Variants in CCDC85C observed in about 807,000 individuals in gnomAD.
CCDC85C encodes coiled-coil domain containing 85C.
CCDC85C carries 18 observed loss-of-function variants against 38.3 expected under a neutral mutation model. That is an observed-to-expected ratio of 0.47 (90% confidence interval 0.33 to 0.70). The LOEUF is 0.70. CCDC85C is among the 30% of genes least tolerant of loss of function. CCDC85C has a pLI of 0.03. For missense variants in CCDC85C, 566 were observed against 621.2 expected, an observed-to-expected ratio of 0.91 and a Z score of 0.94; for synonymous variants, 264 against 293.8, an observed-to-expected ratio of 0.90 and a Z score of 1.04.
chr14:99,583,502 CAAAAAAAA>C (rs35333670), intron 1 of CCDC85C, among the ~76,000 whole-genome samples: 2 of 85,396 alleles, frequency 2.3e-5, no homozygotes, highest in South Asian at 4.1e-4. Flanking sequence ...AACTCCTTCT[CAAAAAAAA>C]AAAAAAAAAA....
chr14:99,566,183 C>G (rs979426243), intron 1 of CCDC85C, among the ~76,000 whole-genome samples: 4 of 152,358 alleles, frequency 2.6e-5, no homozygotes, highest in South Asian at 4.1e-4. Flanking sequence ...ACTGGTCTTT[C>G]CTGACCACCC....
At chr14:99,565,761 T>C (rs1898203933) in intron 1 of CCDC85C, among the ~76,000 whole-genome samples, 1 of 152,082 alleles carries the variant, frequency 6.6e-6, no homozygotes, top group African/African-American at 2.4e-5. Context: ...GAAGAGTCTA[T>C]AGTGGACACC....
At chr14:99,547,056 A>C (rs1897821559) in intron 1 of CCDC85C, among the ~76,000 whole-genome samples, 1 of 151,948 alleles carries the variant, frequency 6.6e-6, no homozygotes, top group Non-Finnish European at 1.5e-5. Context: ...CCATGGTGGT[A>C]CATGCTTGTA....
chr14:99,531,379 C>A lies in CCDC85C; in HGVS notation c.867+4636G>T, dbSNP rs761683394. ...AATTACAGCCGCCCCCAGCCCAGCC[C>A]GGCTGGGCACAGAGAATCCACAGGA... On this transcript the variant is annotated intron_variant, in intron 2 of 5. Coordinates refer to ENST00000380243, the MANE Select transcript of CCDC85C (RefSeq NM_001144995.2). Among the ~76,000 whole-genome samples the A allele has an allele frequency of 5.3e-4, 81 of 152,166 alleles. No homozygotes were observed. In the Middle Eastern group the frequency reaches 0.014, roughly 26 times the overall value.
chr14:99,529,631 T>C (rs1212538081), intron 2 of CCDC85C, among the ~76,000 whole-genome samples: 1 of 152,248 alleles, frequency 6.6e-6, no homozygotes, highest in Non-Finnish European at 1.5e-5. Context: ...CTTGAACTTC[T>C]GATCTCAGGT....
Position 99,520,406 on chromosome 14 carries a change from AC to A in CCDC85C, c.975+1726del. Among the ~76,000 whole-genome samples the A allele has an allele frequency of 7.0e-6, 1 of 142,550 alleles. No homozygotes were observed. Among genetic ancestry groups the A allele is most frequent in the Non-Finnish European group, 1.5e-5 (1 of 64,884 alleles). 93.5% of individuals were successfully genotyped at this position (142,550 alleles called of 152,430 possible). ...GAGATACCTTGACCCCTCAACCCCC[AC>A]TCCTGGGGGCCTGCCCGCCGACCAG... is the stretch of plus-strand genomic sequence containing the variant. On this transcript the variant is annotated intron_variant, in intron 3 of 5. Coordinates refer to ENST00000380243, the MANE Select transcript of CCDC85C (RefSeq NM_001144995.2). The surrounding 1 kb of genome is among the most constrained non-coding windows in gnomAD (Gnocchi z 4.1).
At chr14:99,589,834 G>A (rs1056660949) in intron 1 of CCDC85C, among the ~76,000 whole-genome samples, 4 of 152,154 alleles carry the variant, frequency 2.6e-5, no homozygotes, top group East Asian at 1.9e-4. Context: ...GGAGAATCCC[G>A]CCACTGCCTA....
At chr14:99,589,352 C>T (rs1298207325) in intron 1 of CCDC85C, among the ~76,000 whole-genome samples, 1 of 152,212 alleles carries the variant, frequency 6.6e-6, no homozygotes, top group African/African-American at 2.4e-5. Flanking sequence ...TTTTACTCGA[C>T]TCTATGCCTT....
chr14:99,578,808 G>A (rs2054932700), intron 1 of CCDC85C, among the ~76,000 whole-genome samples: 1 of 152,202 alleles, frequency 6.6e-6, no homozygotes, highest in African/African-American at 2.4e-5. Context: ...GACCGGAGCT[G>A]GCTTCTCTAA....
chr14:99,589,560 C>T (rs1263792914), intron 1 of CCDC85C, among the ~76,000 whole-genome samples: 1 of 152,190 alleles, frequency 6.6e-6, no homozygotes, highest in Non-Finnish European at 1.5e-5. Flanking sequence ...AGTCATGGAC[C>T]ACTTTGGGCT....
intron 3 of CCDC85C, among the ~76,000 whole-genome samples, chr14:99,518,187 G>C (rs1377373215): frequency 6.6e-6 from 1 of 152,128 alleles, no homozygotes; most frequent in African/African-American, 2.4e-5. Context: ...GCAGGGCTGG[G>C]TTCTGCGACC....
In CCDC85C at chr14:99,506,920, A is replaced by G; in HGVS notation, c.*8326T>C. On this transcript the variant is annotated 3_prime_UTR_variant, in exon 6 of 6. Coordinates refer to ENST00000380243, the MANE Select transcript of CCDC85C (RefSeq NM_001144995.2). ...AATTTGTTAACAGGATTCATGCATA[A>G]TGGTTTAGCTGAAACCTTCTTCAAG... 1 of 643,294 alleles carries G rather than the reference A, an allele frequency of 1.6e-6. No homozygotes were observed. Among genetic ancestry groups the G allele is most frequent in the South Asian group, 1.8e-5 (1 of 56,348 alleles). 39.8% of individuals were successfully genotyped at this position (643,294 alleles called of 1,614,324 possible).
intron 1 of CCDC85C, among the ~76,000 whole-genome samples, chr14:99,560,646 T>C (rs1172036342): frequency 6.6e-6 from 1 of 152,108 alleles, no homozygotes; most frequent in Non-Finnish European, 1.5e-5. Flanking sequence ...GGGTGCAGAG[T>C]GGGCTGTGCT....
At chr14:99,571,031 C>T (rs988891577) in intron 1 of CCDC85C, among the ~76,000 whole-genome samples, 1 of 152,118 alleles carries the variant, frequency 6.6e-6, no homozygotes, top group African/African-American at 2.4e-5. Context: ...ACCTACTGTC[C>T]GGCCAGCCCT....
rs776784723 is a variant in CCDC85C, at chr14:99,568,246, C to CTTTTTTTTTTT, written c.794-32159_794-32158insAAAAAAAAAAA. On this transcript the variant is annotated intron_variant, in intron 1 of 5. Transcript: ENST00000380243. ...AGACACTCTCTGGAGGCCACCTGCC[C>CTTTTTTTTTTT]TTTATTTTTTTTTTTTTTTTTTTTG... Among the ~76,000 whole-genome samples, 195 of 114,442 alleles carry CTTTTTTTTTTT rather than the reference C, an allele frequency of 1.7e-3. 34 individuals carry two copies. Among genetic ancestry groups the CTTTTTTTTTTT allele is most frequent in the Non-Finnish European group, 2.2e-3 (129 of 58,380 alleles). 75.1% of individuals were successfully genotyped at this position (114,442 alleles called of 152,430 possible).
At position 99,520,795 on chromosome 14, in the gene CCDC85C, C is replaced by G. The variant is rs1249110436; in HGVS notation, c.975+1338G>C. Among the ~76,000 whole-genome samples, 1 of 152,242 alleles carries G rather than the reference C, an allele frequency of 6.6e-6. No homozygotes were observed. Among genetic ancestry groups the G allele is most frequent in the African/African-American group, 2.4e-5 (1 of 41,468 alleles). On this transcript the variant is annotated intron_variant, in intron 3 of 5. Coordinates refer to ENST00000380243, the MANE Select transcript of CCDC85C (RefSeq NM_001144995.2). The surrounding 1 kb of genome is among the most constrained non-coding windows in gnomAD (Gnocchi z 4.1). ...CCTGTGAGCCTCACTTCCTCCTCTC[C>G]AAAGTAGGGGACACCCCTTCATGCA...
rs539431641 is a variant in CCDC85C at position 99,603,250 on chromosome 14, T to C, written c.710A>G (p.Asp237Gly). ...LLPPGPHKAP[D>G]GKAGATRRSL... is the part of the protein sequence containing the mutation. ...CCGACGTGTGGCTCCTGCCTTGCCG[T>C]CGGGGGCCTTGTGCGGCCCGGGGGG... Residue 237 changes from aspartate (D) to glycine (G), a missense_variant, in exon 1 of 6, where the codon GAC becomes GGC. Asp to Gly is a moderately conservative substitution (Grantham distance 94). Around this residue, in one of 3 missense-constraint regions of CCDC85C, gnomAD observed 286 missense variants for 276.4 expected, o/e 1.03. Coordinates refer to ENST00000380243, the MANE Select transcript of CCDC85C (RefSeq NM_001144995.2). This position sits in a 1 kb window ranked among gnomAD's most constrained non-coding sequence, Gnocchi z 7.5. 9.3e-6 allele frequency: 13 copies of C among 1,394,500 alleles called. No homozygotes were observed. In the South Asian group the frequency reaches 2.0e-4, roughly 22 times the overall value. 86.4% of individuals were successfully genotyped at this position (1,394,500 alleles called of 1,614,324 possible).
At chr14:99,526,388 C>T (rs1362793402) in intron 2 of CCDC85C, among the ~76,000 whole-genome samples, 1 of 152,264 alleles carries the variant, frequency 6.6e-6, no homozygotes, top group African/African-American at 2.4e-5. Flanking sequence ...TCCCCGTGGT[C>T]ACTGTGCAGT....
At position 99,601,639 on chromosome 14, in the gene CCDC85C, C is replaced by T. The variant is rs796483461; in HGVS notation, c.793+1528G>A. Among the ~76,000 whole-genome samples the T allele has an allele frequency of 4.7e-4, 71 of 152,238 alleles. 1 individual carries two copies. The highest frequency in any genetic ancestry group is 1.6e-3 in the African/African-American group (66 of 41,530). On this transcript the variant is annotated intron_variant, in intron 1 of 5. Coordinates refer to ENST00000380243, the MANE Select transcript of CCDC85C (RefSeq NM_001144995.2). ...ACTGACCCCTCAAAAGCCCCCAGGA[C>T]GGCAAAATCAAAGGGGCTGAGGTGC...
Sources: gnomAD v4.1 joint callset for allele counts (sites outside exome capture counted in the v4.1 genomes callset) on GRCh38, gnomAD v4.1.1 for gene constraint, gnomAD v4.1.1 regional missense constraint, Gnocchi (gnomAD v3.1) non-coding constraint, MANE v1.5 for transcripts, NCBI Gene and HGNC (gene_info 2026-07-23, HGNC 2026-07-21) for gene names.